The following RERE variants were observed in gnomAD, a reference collection of about 807,000 sequenced individuals.
RERE encodes the protein arginine-glutamic acid dipeptide repeats.
In RERE, 40 loss-of-function variants were observed where a neutral mutation model predicts 146.1. The ratio of observed to expected loss-of-function variants is 0.27; its 90% CI spans 0.21 to 0.36. The LOEUF (loss-of-function observed/expected upper bound fraction) is 0.36, where lower values mean the gene tolerates loss of function less well. Ranked by LOEUF, RERE falls within the 10% of genes least tolerant of loss-of-function variation. The pLI is 1.00. For synonymous variants in RERE, 1,003 were observed against 866.0 expected, an observed-to-expected ratio of 1.16 and a Z score of -2.78; for missense variants, 1,933 against 2,138.7, an observed-to-expected ratio of 0.90 and a Z score of 1.90.
chr1:8,374,854 G>A (rs1039143840), intron 12 of RERE, among the ~76,000 whole-genome samples: 2 of 152,166 alleles, frequency 1.3e-5, no homozygotes, highest in Admixed American at 6.5e-5. Flanking sequence ...CCTGCTGGGT[G>A]AGCCCCTGAG....
intron 22 of RERE, 136 bp downstream of exon 22, chr1:8,355,282 TC>T (rs2124351997): frequency 8.7e-7 from 1 of 1,154,774 alleles, no homozygotes; most frequent in Non-Finnish European, 1.3e-6. Flanking sequence ...CCTCTGTTTC[TC>T]CCATCACCAT....
intron 1 of RERE, among the ~76,000 whole-genome samples, chr1:8,720,351 A>G (rs906107004): frequency 6.6e-6 from 1 of 152,140 alleles, no homozygotes; most frequent in African/African-American, 2.4e-5. Flanking sequence ...AGGGGTTTAC[A>G]TTCTGCAGGG....
At chr1:8,415,775 A>T (rs911415893) in intron 12 of RERE, among the ~76,000 whole-genome samples, 2 of 152,260 alleles carry the variant, frequency 1.3e-5, no homozygotes, top group African/African-American at 4.8e-5. Flanking sequence ...CACAATTAAT[A>T]GATTCGAGCC....
intron 1 of RERE, among the ~76,000 whole-genome samples, chr1:8,745,117 C>G (rs1401328080): frequency 6.6e-6 from 1 of 152,060 alleles, no homozygotes; most frequent in African/African-American, 2.4e-5. Flanking sequence ...CCTCATAATC[C>G]CCACGTGTCT....
chr1:8,433,553 C>CTTTTT (rs35096712), intron 11 of RERE, among the ~76,000 whole-genome samples: 13 of 130,210 alleles, frequency 1.0e-4, no homozygotes, highest in Non-Finnish European at 1.4e-4. Flanking sequence ...CCATTCATTT[C>CTTTTT]TTTTTTTTTT....
chr1:8,386,906 A>C (rs1392077645), intron 12 of RERE, among the ~76,000 whole-genome samples: 1 of 152,222 alleles, frequency 6.6e-6, no homozygotes, highest in South Asian at 2.1e-4. Context: ...CAAATAGAAA[A>C]AAGACGGATA....
In RERE at chr1:8,509,662, G is replaced by C. The variant is rs917626077; in HGVS notation, c.831-987C>G. On this transcript the variant is annotated intron_variant, in intron 7 of 22. Coordinates refer to ENST00000400908, the MANE Select transcript of RERE (RefSeq NM_001042681.2). ...ATCTCTACAAGAAAATTAAAAATCA[G>C]CTGGGCATGGTGGCGCACGCCTGTA... Among the ~76,000 whole-genome samples the C allele has an allele frequency of 2.0e-5, 3 of 152,260 alleles. No individual in the cohort carries two copies. The East Asian group carries it at 5.8e-4, about 29-fold the overall frequency.
At chr1:8,498,218 G>A (rs1226841086) in intron 8 of RERE, among the ~76,000 whole-genome samples, 1 of 151,890 alleles carries the variant, frequency 6.6e-6, no homozygotes, top group Non-Finnish European at 1.5e-5. Context: ...AAGTAGCCGA[G>A]CACGGTGGCG....
At chr1:8,472,704 G>A (rs1253851200) in intron 10 of RERE, among the ~76,000 whole-genome samples, 1 of 152,180 alleles carries the variant, frequency 6.6e-6, no homozygotes, top group Admixed American at 6.5e-5. Flanking sequence ...CCAAGATAAA[G>A]CATCTTGACT....
intron 4 of RERE, among the ~76,000 whole-genome samples, chr1:8,601,483 G>A (rs1429601858): frequency 1.3e-5 from 2 of 152,226 alleles, no homozygotes; most frequent in Non-Finnish European, 1.5e-5. Context: ...GGGTGTCACT[G>A]TGGTGACAAG....
intron 4 of RERE, among the ~76,000 whole-genome samples, chr1:8,609,177 C>A (rs1646759790): frequency 6.6e-6 from 1 of 151,424 alleles, no homozygotes; most frequent in East Asian, 1.9e-4. Flanking sequence ...GAGACTGCAC[C>A]ACTGCTCTCC....
chr1:8,630,035 C>T (rs1330871428), intron 2 of RERE, among the ~76,000 whole-genome samples: 2 of 152,194 alleles, frequency 1.3e-5, no homozygotes, highest in African/African-American at 2.4e-5. Context: ...ATGACTCCTC[C>T]ACCCTCAATG....
At chr1:8,501,837 G>T (rs1192723902) in intron 8 of RERE, among the ~76,000 whole-genome samples, 1 of 132,248 alleles carries the variant, frequency 7.6e-6, no homozygotes, top group Non-Finnish European at 1.7e-5. Flanking sequence ...CCCGTACTGG[G>T]AAGTGAGGAC....
intron 11 of RERE, among the ~76,000 whole-genome samples, chr1:8,446,003 CTGT>C (rs1303918787): frequency 6.6e-6 from 1 of 152,140 alleles, no homozygotes; most frequent in African/African-American, 2.4e-5. Flanking sequence ...TGGCTGGCGC[CTGT>C]TGTTCCTTTC....
chr1:8,444,844 AG>A (rs1217696134), intron 11 of RERE, among the ~76,000 whole-genome samples: 3 of 152,072 alleles, frequency 2.0e-5, no homozygotes, highest in Non-Finnish European at 4.4e-5. Context: ...AGGCCTCCCC[AG>A]GAAGTGCGTA....
chr1:8,452,900 C>T (rs1644405068), intron 11 of RERE, among the ~76,000 whole-genome samples: 1 of 152,204 alleles, frequency 6.6e-6, no homozygotes, highest in African/African-American at 2.4e-5. Flanking sequence ...ACATGCCCAT[C>T]TTCGTAACGG....
At chr1:8,657,587 C>T (rs1005286186) in intron 1 of RERE, among the ~76,000 whole-genome samples, 1 of 152,176 alleles carries the variant, frequency 6.6e-6, no homozygotes. Context: ...TGGCTCACAC[C>T]TGTAATCACA....
intron 12 of RERE, among the ~76,000 whole-genome samples, chr1:8,376,455 T>C (rs1401858277): frequency 6.6e-6 from 1 of 152,206 alleles, no homozygotes; most frequent in Non-Finnish European, 1.5e-5. Context: ...TTTAGAATTA[T>C]GCACATGTCT....
intron 11 of RERE, among the ~76,000 whole-genome samples, chr1:8,445,562 G>A (rs552381510): frequency 6.6e-6 from 1 of 152,264 alleles, no homozygotes; most frequent in South Asian, 2.1e-4. Context: ...ACACCCAGTG[G>A]TTGAAGACAA....
Sources: allele counts gnomAD v4.1 joint callset (sites outside exome capture counted in the v4.1 genomes callset), GRCh38; gene constraint gnomAD v4.1.1; transcripts MANE v1.5; gene names NCBI Gene and HGNC (gene_info 2026-07-23, HGNC 2026-07-21).